Variants in EXOC6B observed in about 807,000 individuals in gnomAD.
The protein encoded by EXOC6B is exocyst complex component 6B, also known as SEC15 homolog B.
Under a neutral mutation model 113.5 loss-of-function variants are expected in EXOC6B, and 54 were observed. The observed-to-expected ratio is 0.48, with a 90% CI of 0.38 to 0.60. The LOEUF (loss-of-function observed/expected upper bound fraction) is 0.60. EXOC6B is among the 20% of genes least tolerant of loss of function. EXOC6B has a pLI of 0.00. For missense variants in EXOC6B, 797 were observed against 977.5 expected (o/e 0.82, Z 2.46); for synonymous variants, 357 against 339.0 (o/e 1.05, Z -0.58).
At chr2:72,584,439 A>C (rs545604013) in intron 6 of EXOC6B, among the ~76,000 whole-genome samples, 1 of 152,352 alleles carries the variant, frequency 6.6e-6, no homozygotes, top group African/African-American at 2.4e-5. Flanking sequence ...AATGACGAAA[A>C]GTTCAATTCA....
intron 5 of EXOC6B, among the ~76,000 whole-genome samples, chr2:72,720,740 T>C (rs1679947514): frequency 6.6e-6 from 1 of 151,032 alleles, no homozygotes; most frequent in Non-Finnish European, 1.5e-5. Context: ...GGTAACAGAG[T>C]GAGACCCGTC....
At chr2:72,529,748 C>T (rs757191372) in intron 8 of EXOC6B, among the ~76,000 whole-genome samples, 14 of 152,150 alleles carry the variant, frequency 9.2e-5, no homozygotes, top group Non-Finnish European at 1.6e-4. Context: ...TAGTTGTGAG[C>T]CACTGTGCCC....
chr2:72,431,494 T>TATCC (rs2105298943), intron 18 of EXOC6B, among the ~76,000 whole-genome samples: 2 of 145,464 alleles, frequency 1.4e-5, no homozygotes, highest in South Asian at 4.4e-4. Flanking sequence ...TTTATCTATC[T>TATCC]ATCTATCTAT....
chr2:72,738,443 T>A (rs907589036), intron 2 of EXOC6B, among the ~76,000 whole-genome samples: 1 of 152,138 alleles, frequency 6.6e-6, no homozygotes, highest in Non-Finnish European at 1.5e-5. Flanking sequence ...GTCTTCCTCA[T>A]TTTTTAACAT....
At chr2:72,678,479 A>G (rs6741293) in intron 6 of EXOC6B, among the ~76,000 whole-genome samples, 7,354 of 152,154 alleles carry the variant, frequency 0.048, 606 homozygotes, top group African/African-American at 0.17. Flanking sequence ...AGCCAAGGTG[A>G]GCGGATCACT....
rs146573352 is a variant in EXOC6B, at chr2:72,397,660, T to TAAAATAAAATAAAATAAAATAA, written c.1981-17791_1981-17790insTTATTTTATTTTATTTTATTTT. On this transcript the variant is annotated intron_variant, in intron 18 of 21. Coordinates refer to ENST00000272427, the MANE Select transcript of EXOC6B (RefSeq NM_015189.3). ...TAAAATAAAATAAAATAAAATAAAA[T>TAAAATAAAATAAAATAAAATAA]TATATATATATACACTCATATATTC... Among the ~76,000 whole-genome samples the TAAAATAAAATAAAATAAAATAA allele has an allele frequency of 1.4e-5, 2 of 139,852 alleles. 1 individual carries two copies. Among genetic ancestry groups the TAAAATAAAATAAAATAAAATAA allele is most frequent in the African/African-American group, 6.0e-5 (2 of 33,088 alleles). 91.7% of individuals were successfully genotyped at this position (139,852 alleles called of 152,430 possible).
At chr2:72,758,387 C>G (rs1409905415) in intron 1 of EXOC6B, among the ~76,000 whole-genome samples, 3 of 151,790 alleles carry the variant, frequency 2.0e-5, no homozygotes, top group African/African-American at 7.3e-5. Context: ...GATTTGTCAA[C>G]TGAAAAAGTA....
At chr2:72,351,577 T>C (rs899549783) in intron 19 of EXOC6B, among the ~76,000 whole-genome samples, 57 of 152,356 alleles carry the variant, frequency 3.7e-4, no homozygotes, top group African/African-American at 1.3e-3. Flanking sequence ...TTAGGACATT[T>C]GCATATAACC....
chr2:72,413,065 TCTC>T (rs1462087044), intron 18 of EXOC6B, among the ~76,000 whole-genome samples: 5 of 151,974 alleles, frequency 3.3e-5, no homozygotes, highest in Non-Finnish European at 5.9e-5. Context: ...TTCACGCCAT[TCTC>T]CTGCCTCAGC....
chr2:72,657,662 T>C (rs1674696294), intron 6 of EXOC6B, among the ~76,000 whole-genome samples: 1 of 146,364 alleles, frequency 6.8e-6, no homozygotes, highest in African/African-American at 2.6e-5. Flanking sequence ...ATAGCCGTCT[T>C]GGAACTGGAG....
chr2:72,438,545 G>GT (rs1317636864), intron 18 of EXOC6B, among the ~76,000 whole-genome samples: 1 of 152,072 alleles, frequency 6.6e-6, no homozygotes, highest in Non-Finnish European at 1.5e-5. Context: ...GCAGTTTGAG[G>GT]TTGCAGCAAT....
At chr2:72,647,885 C>T (rs902757975) in intron 6 of EXOC6B, among the ~76,000 whole-genome samples, 1 of 152,138 alleles carries the variant, frequency 6.6e-6, no homozygotes, top group African/African-American at 2.4e-5. Context: ...GACTTCATGA[C>T]TAAAACACCA....
intron 1 of EXOC6B, among the ~76,000 whole-genome samples, chr2:72,767,822 A>AAAAAAAAAAAAG: frequency 7.2e-6 from 1 of 139,484 alleles, no homozygotes; most frequent in Non-Finnish European, 1.6e-5. Context: ...AAAAAAAAAA[A>AAAAAAAAAAAAG]AAAAAAAAAA....
chr2:72,306,508 C>T (rs574136452), intron 20 of EXOC6B, among the ~76,000 whole-genome samples: 1 of 152,234 alleles, frequency 6.6e-6, no homozygotes, highest in East Asian at 1.9e-4. Context: ...AATTAACATA[C>T]AATAGTTTAA....
At chr2:72,803,708 T>C (rs1011191437) in intron 1 of EXOC6B, among the ~76,000 whole-genome samples, 1 of 152,234 alleles carries the variant, frequency 6.6e-6, no homozygotes, top group Admixed American at 6.5e-5. Flanking sequence ...AGTTCTCATT[T>C]AGTTTTGAAA....
At chr2:72,643,650 T>C in intron 6 of EXOC6B, among the ~76,000 whole-genome samples, 2 of 139,476 alleles carry the variant, frequency 1.4e-5, no homozygotes, top group Non-Finnish European at 1.6e-5. Flanking sequence ...CATTGGGAGA[T>C]ATACCTAATG....
chr2:72,230,030 A>G (rs538806629), intron 20 of EXOC6B, among the ~76,000 whole-genome samples: 43 of 152,254 alleles, frequency 2.8e-4, no homozygotes, highest in Admixed American at 2.4e-3. Flanking sequence ...TGAGGTGAGT[A>G]AGGAGGGGGA....
intron 20 of EXOC6B, among the ~76,000 whole-genome samples, chr2:72,269,876 G>T (rs1000523): frequency 3.3e-5 from 5 of 152,002 alleles, no homozygotes; most frequent in Admixed American, 6.6e-5. Flanking sequence ...AAAATAAAAG[G>T]GTTGAGGAAG....
chr2:72,454,865 A>G (rs1229373234), intron 18 of EXOC6B, among the ~76,000 whole-genome samples: 1 of 152,210 alleles, frequency 6.6e-6, no homozygotes, highest in African/African-American at 2.4e-5. Flanking sequence ...AAAACCTCTA[A>G]AGGATTTAAG....
Sources: gnomAD v4.1 joint callset for allele counts (sites outside exome capture counted in the v4.1 genomes callset) on GRCh38, gnomAD v4.1.1 for gene constraint, MANE v1.5 for transcripts, NCBI Gene and HGNC (gene_info 2026-07-23, HGNC 2026-07-21) for gene names.